MACROD2: variants seen among roughly 807,000 people sequenced by gnomAD.
MACROD2 encodes mono-ADP ribosylhydrolase 2.
MACROD2 carries 36 observed loss-of-function variants against 70.4 expected under a neutral mutation model. The ratio of observed to expected loss-of-function variants is 0.51; its 90% confidence interval spans 0.39 to 0.68. MACROD2 has a LOEUF of 0.68. Ranked by LOEUF, MACROD2 falls within the 30% of genes least tolerant of loss-of-function variation. The pLI is 0.00. For synonymous variants in MACROD2, 172 were observed against 178.8 expected, an observed-to-expected ratio of 0.96 and a Z score of 0.30; for missense variants, 496 against 538.4, an observed-to-expected ratio of 0.92 and a Z score of 0.78.
At chr20:15,611,369 T>C (rs200741) in intron 8 of MACROD2, among the ~76,000 whole-genome samples, 20,080 of 152,156 alleles carry the variant, frequency 0.13, 1,445 homozygotes, top group Middle Eastern at 0.19. Context: ...GCTGTGTCCA[T>C]TGGCATCCAG....
At chr20:16,041,326 A>AT (rs1163440178) in intron 16 of MACROD2, 48 bp downstream of exon 16, 9 of 1,449,786 alleles carry the variant, frequency 6.2e-6, no homozygotes, top group Non-Finnish European at 3.8e-6. Context: ...AATCTGGCAT[A>AT]TTTTCTATGT....
At chr20:15,964,272 T>C (rs1243022194) in intron 12 of MACROD2, among the ~76,000 whole-genome samples, 1 of 152,154 alleles carries the variant, frequency 6.6e-6, no homozygotes, top group Non-Finnish European at 1.5e-5. Context: ...ACTGGGTGGC[T>C]TATAAGCAAA....
At chr20:14,896,047 A>G (rs1259489221) in intron 5 of MACROD2, among the ~76,000 whole-genome samples, 1 of 152,214 alleles carries the variant, frequency 6.6e-6, no homozygotes, top group Non-Finnish European at 1.5e-5. Flanking sequence ...CTATAATCCC[A>G]GCACTTTGGG....
At chr20:15,896,351 G>T (rs1212633276) in intron 10 of MACROD2, among the ~76,000 whole-genome samples, 1 of 151,952 alleles carries the variant, frequency 6.6e-6, no homozygotes, top group African/African-American at 2.4e-5. Context: ...TTCAGAAAGG[G>T]TTGTAGAAAA....
intron 8 of MACROD2, among the ~76,000 whole-genome samples, chr20:15,774,599 A>C (rs41533249): frequency 0.015 from 2,220 of 152,132 alleles, 61 homozygotes; most frequent in African/African-American, 0.05. Flanking sequence ...AACTTCAGAG[A>C]GGTCTACCTA....
At chr20:15,745,277 G>C (rs563342548) in intron 8 of MACROD2, among the ~76,000 whole-genome samples, 10 of 152,248 alleles carry the variant, frequency 6.6e-5, no homozygotes, top group Admixed American at 5.9e-4. Flanking sequence ...TTAGGTCATA[G>C]GTAAGCATTA....
chr20:15,534,385 G>T (rs930831854), intron 8 of MACROD2, among the ~76,000 whole-genome samples: 1 of 152,168 alleles, frequency 6.6e-6, no homozygotes, highest in Admixed American at 6.5e-5. Context: ...TTACATTAAA[G>T]TAATGAATTA....
chr20:15,565,301 G>A (rs1193060269), intron 8 of MACROD2, among the ~76,000 whole-genome samples: 1 of 152,170 alleles, frequency 6.6e-6, no homozygotes. Context: ...CACGCAAGGA[G>A]TCTAAAGTTG....
At chr20:14,812,793 G>C (rs1377670845) in intron 5 of MACROD2, among the ~76,000 whole-genome samples, 1 of 151,900 alleles carries the variant, frequency 6.6e-6, no homozygotes, top group African/African-American at 2.4e-5. Context: ...ACACCAAGTG[G>C]GTGTAATTCA....
At chr20:15,744,191 G>A (rs2051146198) in intron 8 of MACROD2, among the ~76,000 whole-genome samples, 1 of 152,104 alleles carries the variant, frequency 6.6e-6, no homozygotes, top group Non-Finnish European at 1.5e-5. Context: ...GATTCATAAT[G>A]CAATTTTAAA....
intron 8 of MACROD2, among the ~76,000 whole-genome samples, chr20:15,829,708 G>T (rs2064033961): frequency 6.6e-6 from 1 of 152,132 alleles, no homozygotes; most frequent in Admixed American, 6.6e-5. Context: ...GAGACACAGA[G>T]AAAGCATTCT....
At chr20:14,798,334 T>C (rs1010598104) in intron 5 of MACROD2, among the ~76,000 whole-genome samples, 1 of 152,138 alleles carries the variant, frequency 6.6e-6, no homozygotes, top group African/African-American at 2.4e-5. Flanking sequence ...CCTGTGTTTT[T>C]AAAGTTTCAA....
intron 3 of MACROD2, among the ~76,000 whole-genome samples, chr20:14,105,775 G>A (rs1311909989): frequency 6.6e-6 from 1 of 152,194 alleles, no homozygotes; most frequent in Admixed American, 6.5e-5. Context: ...AGCAAGGAGT[G>A]AAGAGGACTT....
At chr20:14,678,963 AC>A (rs762951537) in intron 4 of MACROD2, among the ~76,000 whole-genome samples, 3 of 151,986 alleles carry the variant, frequency 2.0e-5, no homozygotes, top group Non-Finnish European at 2.9e-5. Flanking sequence ...AAAAAAAAAA[AC>A]AACACATTAC....
At chr20:15,672,423 G>C (rs1022340386) in intron 8 of MACROD2, among the ~76,000 whole-genome samples, 1 of 150,920 alleles carries the variant, frequency 6.6e-6, no homozygotes, top group African/African-American at 2.4e-5. Context: ...TCATTTGATA[G>C]GAAGTTAAGT....
chr20:14,540,256 C>G (rs1312450673), intron 4 of MACROD2, among the ~76,000 whole-genome samples: 1 of 152,106 alleles, frequency 6.6e-6, no homozygotes, highest in East Asian at 1.9e-4. Flanking sequence ...ACCTCAGTTA[C>G]GTTTACTTCC....
chr20:15,615,555 C>T (rs2049025520), intron 8 of MACROD2, among the ~76,000 whole-genome samples: 1 of 151,976 alleles, frequency 6.6e-6, no homozygotes, highest in South Asian at 2.1e-4. Flanking sequence ...GTGATTGAGC[C>T]GGCACTCGAT....
At chr20:15,961,406 A>G (rs928279805) in intron 12 of MACROD2, among the ~76,000 whole-genome samples, 1 of 152,190 alleles carries the variant, frequency 6.6e-6, no homozygotes, top group African/African-American at 2.4e-5. Context: ...TTCTGAGCCA[A>G]CAAGGTAGGT....
At chr20:15,840,555 G>A (rs1355469132) in intron 8 of MACROD2, among the ~76,000 whole-genome samples, 1 of 152,140 alleles carries the variant, frequency 6.6e-6, no homozygotes, top group Non-Finnish European at 1.5e-5. Context: ...CATAAATTAT[G>A]CCATGCTCAC....
Sources: allele counts gnomAD v4.1 joint callset (sites outside exome capture counted in the v4.1 genomes callset), GRCh38; gene constraint gnomAD v4.1.1; transcripts MANE v1.5; gene names NCBI Gene and HGNC (gene_info 2026-07-23, HGNC 2026-07-21).